PCDH15: variants seen among roughly 807,000 people sequenced by gnomAD.
The protein encoded by PCDH15 is protocadherin-15.
In PCDH15, 129 loss-of-function variants were observed where a neutral mutation model predicts 178.5. The ratio of observed to expected loss-of-function variants is 0.72; its 90% CI spans 0.63 to 0.84. The LOEUF (loss-of-function observed/expected upper bound fraction) is 0.84, where lower values mean the gene tolerates loss of function less well. PCDH15 is among the 40% of genes least tolerant of loss of function. PCDH15 has a pLI of 0.00. For synonymous variants in PCDH15, 800 were observed against 732.0 expected (o/e 1.09, Z -1.50); for missense variants, 2,230 against 2,099.9 (o/e 1.06, Z -1.21).
At chr10:54,195,175 A>G (rs1269656148) in intron 11 of PCDH15, among the ~76,000 whole-genome samples, 1 of 152,206 alleles carries the variant, frequency 6.6e-6, no homozygotes, top group African/African-American at 2.4e-5. Flanking sequence ...AGTACAAGAA[A>G]AACAAAAGAC....
chr10:54,390,005 T>C (rs1377660840), intron 3 of PCDH15, among the ~76,000 whole-genome samples: 1 of 152,086 alleles, frequency 6.6e-6, no homozygotes, highest in Non-Finnish European at 1.5e-5. Context: ...TTTGAGAACC[T>C]TGTTTTATAA....
chr10:54,379,799 C>T (rs555004482), intron 3 of PCDH15, among the ~76,000 whole-genome samples: 50 of 152,022 alleles, frequency 3.3e-4, no homozygotes, highest in African/African-American at 1.1e-3. Context: ...TCAACCGATC[C>T]ATTTTATTAA....
chr10:54,931,697 C>T (rs1243484180), intron 2 of PCDH15, among the ~76,000 whole-genome samples: 3 of 152,178 alleles, frequency 2.0e-5, no homozygotes, highest in Non-Finnish European at 4.4e-5. Flanking sequence ...GGTGATTGTA[C>T]TGCCTTTTGC....
At chr10:55,279,433 T>C (rs1842673584) in intron 1 of PCDH15, among the ~76,000 whole-genome samples, 2 of 152,206 alleles carry the variant, frequency 1.3e-5, no homozygotes, top group South Asian at 4.1e-4. Context: ...TCCTTTGAAA[T>C]GAACTTTGAG....
intron 8 of PCDH15, among the ~76,000 whole-genome samples, chr10:54,242,169 T>C (rs1564769779): frequency 5.9e-4 from 61 of 102,712 alleles, no homozygotes; most frequent in African/African-American, 2.3e-3. Context: ...TATATATATA[T>C]ATATATATAT....
chr10:55,472,803 C>T (rs1018676915), intron 2 of PCDH15, among the ~76,000 whole-genome samples: 1 of 152,240 alleles, frequency 6.6e-6, no homozygotes, highest in East Asian at 1.9e-4. Context: ...CTCCTGACCT[C>T]GTGATCCACC....
intron 3 of PCDH15, among the ~76,000 whole-genome samples, chr10:54,384,624 G>T (rs1481944577): frequency 2.0e-5 from 3 of 152,074 alleles, no homozygotes; most frequent in Middle Eastern, 3.2e-3. Context: ...CATCACAGTA[G>T]TTTAATTATT....
At chr10:54,563,771 T>C (rs1443470239) in intron 2 of PCDH15, among the ~76,000 whole-genome samples, 1 of 152,120 alleles carries the variant, frequency 6.6e-6, no homozygotes. Context: ...TCTAGTTGTG[T>C]ATATTGTGGT....
At chr10:54,274,826 T>G (rs532273635) in intron 8 of PCDH15, among the ~76,000 whole-genome samples, 1 of 152,012 alleles carries the variant, frequency 6.6e-6, no homozygotes, top group Non-Finnish European at 1.5e-5. Flanking sequence ...ATGGTAAAGA[T>G]TCTTAGCAAA....
At chr10:54,247,959 T>TATATATATATAC (rs1426355910) in intron 8 of PCDH15, among the ~76,000 whole-genome samples, 1 of 138,006 alleles carries the variant, frequency 7.2e-6, no homozygotes, top group African/African-American at 3.1e-5. Flanking sequence ...TATATATATA[T>TATATATATATAC]ACACATACAG....
intron 2 of PCDH15, among the ~76,000 whole-genome samples, chr10:54,602,018 A>G (rs1399331943): frequency 6.6e-6 from 1 of 151,920 alleles, no homozygotes; most frequent in East Asian, 1.9e-4. Context: ...ATCTGAAAAA[A>G]GTAGTTATTA....
At chr10:55,036,535 G>T (rs1010701627) in intron 2 of PCDH15, among the ~76,000 whole-genome samples, 3 of 151,970 alleles carry the variant, frequency 2.0e-5, no homozygotes. Flanking sequence ...TTATGGTCCC[G>T]CTCACATTTC....
At chr10:55,095,673 AG>A (rs1842433839) in intron 2 of PCDH15, among the ~76,000 whole-genome samples, 1 of 152,080 alleles carries the variant, frequency 6.6e-6, no homozygotes, top group African/African-American at 2.4e-5. Flanking sequence ...ATAGCTTTCT[AG>A]GCCAAGTGCT....
Position 54,825,129 on chromosome 10 carries a change from T to G in PCDH15, c.-29+72321A>C, listed in dbSNP as rs533206515. On this transcript the variant is annotated intron_variant, in intron 3 of 5. Coordinates refer to the PCDH15 transcript ENST00000458638. ...ATGAGTGAGAACATGCGGTGTTTGG[T>G]TTTTTGTCCTTGCGATAGTTTGCTG... Among the ~76,000 whole-genome samples, 559 of 152,054 alleles carry G rather than the reference T, an allele frequency of 3.7e-3. 1 individual carries two copies. The highest frequency in any genetic ancestry group is 0.013 in the African/African-American group (536 of 41,484).
At chr10:55,138,013 C>T (rs958587863) in intron 2 of PCDH15, among the ~76,000 whole-genome samples, 1 of 151,994 alleles carries the variant, frequency 6.6e-6, no homozygotes, top group African/African-American at 2.4e-5. Flanking sequence ...ATTTTTCTTC[C>T]CTGCAGGTAC....
At chr10:54,281,314 A>T (rs1487323347) in intron 8 of PCDH15, among the ~76,000 whole-genome samples, 2 of 151,956 alleles carry the variant, frequency 1.3e-5, no homozygotes, top group African/African-American at 4.8e-5. Flanking sequence ...ATTTCAGAAA[A>T]ACCCACAATT....
At chr10:55,487,489 C>T (rs754730038) in intron 2 of PCDH15, among the ~76,000 whole-genome samples, 3 of 151,604 alleles carry the variant, frequency 2.0e-5, no homozygotes, top group Non-Finnish European at 4.4e-5. Flanking sequence ...CCTTTCCTTC[C>T]TTCATTCTCT....
At chr10:54,799,228 T>TA (rs56887307) in intron 1 of PCDH15, among the ~76,000 whole-genome samples, 6,677 of 152,174 alleles carry the variant, frequency 0.044, 440 homozygotes, top group African/African-American at 0.15. Context: ...GCAAGTGGCA[T>TA]AAAAACAATT....
At chr10:55,056,985 T>G (rs954424425) in intron 2 of PCDH15, among the ~76,000 whole-genome samples, 1 of 152,132 alleles carries the variant, frequency 6.6e-6, no homozygotes, top group East Asian at 1.9e-4. Flanking sequence ...TTTATCATTA[T>G]TGTTCAGCAT....
Sources: gnomAD v4.1 joint callset for allele counts (sites outside exome capture counted in the v4.1 genomes callset) on GRCh38, gnomAD v4.1.1 for gene constraint, MANE v1.5 for transcripts, NCBI Gene and HGNC (gene_info 2026-07-23, HGNC 2026-07-21) for gene names.